The following CCDC102A variants were observed in gnomAD, a reference collection of about 807,000 sequenced individuals.
The protein encoded by CCDC102A is coiled-coil domain-containing protein 102A.
In CCDC102A, 40 loss-of-function variants were observed where a neutral mutation model predicts 55.5. The observed-to-expected ratio is 0.72, with a 90% CI of 0.56 to 0.94. The LOEUF is 0.94. CCDC102A is among the 40% of genes least tolerant of loss of function. The pLI is 0.00. For missense variants in CCDC102A, 779 were observed against 768.6 expected, an observed-to-expected ratio of 1.01 and a Z score of -0.16; for synonymous variants, 323 against 339.0, an observed-to-expected ratio of 0.95 and a Z score of 0.52.
intron 1 of CCDC102A, among the ~76,000 whole-genome samples, chr16:57,533,872 A>G (rs1395495025): frequency 6.6e-6 from 1 of 152,038 alleles, no homozygotes; most frequent in African/African-American, 2.4e-5. Flanking sequence ...ACCAGGCTCA[A>G]TGCCCTCTTG....
chr16:57,518,768 A>G (rs779180520), intron 4 of CCDC102A, 27 bp from the exon 5 acceptor site: 6 of 1,549,170 alleles, frequency 3.9e-6, no homozygotes, highest in South Asian at 1.2e-5. Flanking sequence ...CCACCTGGTC[A>G]TGAGAACCAC....
rs781776307 is a variant in CCDC102A, at chr16:57,518,270, C to T, written c.1046G>A (p.Arg349Gln). The change falls in exon 6 of 9, where the codon CGG (arginine) becomes CAG (glutamine). Residue 349 changes from arginine to glutamine, a missense_variant. Transcript: ENST00000258214. ...KMAELRGEMERLQAENAAEWG... is the reference protein window; with the variant it reads ...KMAELRGEMEQLQAENAAEWG... The stretch of plus-strand genomic sequence containing the variant: ...CTCCGCAGCGTTTTCGGCCTGCAGC[C>T]GCTCCATCTGCAGCAGGGCAGGGCA... The T allele has an allele frequency of 3.4e-5, 54 of 1,608,504 alleles. No homozygotes were observed. In the East Asian group the frequency reaches 4.9e-4, roughly 15 times the overall value.
chr16:57,533,214 G>T (rs928275389), intron 1 of CCDC102A, among the ~76,000 whole-genome samples: 1 of 152,128 alleles, frequency 6.6e-6, no homozygotes. Flanking sequence ...GCAGGAGCAC[G>T]GAAGTTTTGG....
chr16:57,518,739 G>C lies in CCDC102A; in HGVS notation c.924C>G (p.Leu308=). ...SKTKQEMLKQ[L]SILKEAHQDE... ...CCTGGTGCGCCTCCTTCAGGATGCT[G>C]AGCTGCAGGGATAAGGCCCCACCTG... The change falls in exon 5 of 9, where the codon CTC becomes CTG. Residue 308 remains leucine (L), a splice_region_variant and synonymous_variant. Coordinates refer to ENST00000258214, the MANE Select transcript of CCDC102A (RefSeq NM_033212.4). 1 of 1,599,116 alleles carries C rather than the reference G, an allele frequency of 6.3e-7. No homozygotes were observed. Among genetic ancestry groups the C allele is most frequent in the East Asian group, 2.3e-5 (1 of 44,232 alleles).
At chr16:57,512,987 T>C in intron 8 of CCDC102A, 117 bp from the exon 9 acceptor site, 1 of 737,414 alleles carries the variant, frequency 1.4e-6, no homozygotes, top group Admixed American at 2.5e-5. Context: ...TGCTGTCTCA[T>C]CTCCTGTAAT....
At chr16:57,517,188 C>T (rs189327498) in intron 6 of CCDC102A, among the ~76,000 whole-genome samples, 1 of 152,086 alleles carries the variant, frequency 6.6e-6, no homozygotes, top group African/African-American at 2.4e-5. Flanking sequence ...CACATCCCCC[C>T]GCTCACTCCC....
At chr16:57,530,861 C>T (rs1403135936) in intron 1 of CCDC102A, among the ~76,000 whole-genome samples, 1 of 151,964 alleles carries the variant, frequency 6.6e-6, no homozygotes, top group African/African-American at 2.4e-5. Flanking sequence ...GCTTGGCGCT[C>T]TGTCACCCGG....
At chr16:57,530,704 C>T (rs1458438532) in intron 1 of CCDC102A, among the ~76,000 whole-genome samples, 2 of 152,166 alleles carry the variant, frequency 1.3e-5, no homozygotes, top group South Asian at 2.1e-4. Context: ...TCCCTCCTGC[C>T]AGTCCCACCC....
intron 4 of CCDC102A, among the ~76,000 whole-genome samples, chr16:57,519,374 G>T (rs1193565844): frequency 6.6e-6 from 1 of 152,206 alleles, no homozygotes; most frequent in African/African-American, 2.4e-5. Flanking sequence ...CTCCCCACTG[G>T]AAAGCTAGCC....
At position 57,526,056 on chromosome 16, in the gene CCDC102A, G is replaced by A; in HGVS notation, c.657C>T (p.Ser219=). 11 of 1,592,148 alleles carry A rather than the reference G, an allele frequency of 6.9e-6. No individual in the cohort carries two copies. Among genetic ancestry groups the A allele is most frequent in the Non-Finnish European group, 9.4e-6 (11 of 1,172,544 alleles). The change falls in exon 3 of 9, where the codon AGC becomes AGT. Residue 219 remains serine (S), a synonymous_variant. Transcript: ENST00000258214. ...TGCCCCGCGGGCCCCCAGCCCCCAG[G>A]CTGCGCGCCTCCCAGCAGTCCTCAG... ...EESEDCWEAR[S]LGAGGPRGSS...
At chr16:57,522,287 G>T (rs1480581821) in intron 3 of CCDC102A, among the ~76,000 whole-genome samples, 2 of 152,174 alleles carry the variant, frequency 1.3e-5, no homozygotes, top group Non-Finnish European at 2.9e-5. Flanking sequence ...CTGGAGTGCA[G>T]ATCACAGCTC....
chr16:57,522,003 C>A (rs74019537), intron 3 of CCDC102A, among the ~76,000 whole-genome samples: 1 of 152,158 alleles, frequency 6.6e-6, no homozygotes, highest in Non-Finnish European at 1.5e-5. Context: ...ATTTAGTGGA[C>A]GGGGGCCAGG....
At chr16:57,528,395 C>G (rs1257887442) in intron 2 of CCDC102A, among the ~76,000 whole-genome samples, 198 bp downstream of exon 2, 1 of 152,152 alleles carries the variant, frequency 6.6e-6, no homozygotes, top group South Asian at 2.1e-4. Context: ...GGAGGGATCA[C>G]AGAACTTGGG....
intron 8 of CCDC102A, among the ~76,000 whole-genome samples, chr16:57,513,801 G>A (rs2031908307): frequency 1.3e-5 from 2 of 152,238 alleles, no homozygotes; most frequent in South Asian, 2.1e-4. Context: ...CTTTATGGGC[G>A]TCATCCCAGG....
At chr16:57,531,783 T>C (rs1413772072) in intron 1 of CCDC102A, among the ~76,000 whole-genome samples, 3 of 152,180 alleles carry the variant, frequency 2.0e-5, no homozygotes, top group African/African-American at 7.2e-5. Flanking sequence ...CAGCACCCTC[T>C]GTGCCCTAGG....
At chr16:57,520,237 C>G (rs907769682) in intron 4 of CCDC102A, among the ~76,000 whole-genome samples, 1 of 152,226 alleles carries the variant, frequency 6.6e-6, no homozygotes, top group African/African-American at 2.4e-5. Flanking sequence ...CCCTGTTTCC[C>G]GCACACGCTG....
At chr16:57,530,579 G>A (rs140828776) in intron 1 of CCDC102A, among the ~76,000 whole-genome samples, 1 of 151,974 alleles carries the variant, frequency 6.6e-6, no homozygotes, top group Non-Finnish European at 1.5e-5. Flanking sequence ...CCTCATTCTC[G>A]GCAGATGATC....
chr16:57,516,373 C>T lies in CCDC102A; in HGVS notation c.1339G>A (p.Glu447Lys), dbSNP rs748872174. The T allele has an allele frequency of 1.1e-5, 18 of 1,609,216 alleles. No individual in the cohort carries two copies. Among genetic ancestry groups the T allele is most frequent in the Non-Finnish European group, 1.5e-5 (18 of 1,179,984 alleles). ...AELAHANRRVEQHEAEVKKLR... is the reference protein window; with the variant it reads ...AELAHANRRVKQHEAEVKKLR... ...TTCTTCACCTCAGCCTCGTGCTGCT[C>T]CACCCGCCGGTTGGCATGTGCCAGC... The change falls in exon 7 of 9, where the codon GAG becomes AAG. Residue 447 changes from glutamate to lysine, a missense_variant. Coordinates refer to ENST00000258214, the MANE Select transcript of CCDC102A (RefSeq NM_033212.4). The surrounding 1 kb of genome is among the most constrained non-coding windows in gnomAD (Gnocchi z 4.4).
chr16:57,526,055 G>A lies in CCDC102A; in HGVS notation c.658C>T (p.Leu220=). The change falls in exon 3 of 9, where the codon CTG becomes TTG. Residue 220 remains leucine (L), a synonymous_variant. Transcript: ENST00000258214. The part of the protein sequence containing the change: ...ESEDCWEARS[L]GAGGPRGSSG... ...CTGCCCCGCGGGCCCCCAGCCCCCA[G>A]GCTGCGCGCCTCCCAGCAGTCCTCA... 1 of 1,592,554 alleles carries A rather than the reference G, an allele frequency of 6.3e-7. No homozygotes were observed. Among genetic ancestry groups the A allele is most frequent in the South Asian group, 1.1e-5 (1 of 89,462 alleles).
Sources: gnomAD v4.1 joint callset for allele counts (sites outside exome capture counted in the v4.1 genomes callset) on GRCh38, gnomAD v4.1.1 for gene constraint, Gnocchi (gnomAD v3.1) non-coding constraint, MANE v1.5 for transcripts, NCBI Gene and HGNC (gene_info 2026-07-23, HGNC 2026-07-21) for gene names.